ACOXL: variants seen among roughly 807,000 people sequenced by gnomAD.
ACOXL encodes acyl-CoA oxidase like.
A neutral mutation model predicts 71.9 loss-of-function variants in ACOXL; 70 were observed. The ratio of observed to expected loss-of-function variants is 0.97; its 90% CI spans 0.80 to 1.19. The LOEUF is 1.19. Among genes scored for constraint, ACOXL ranks in the 50% most tolerant of loss-of-function variants. The probability of loss-of-function intolerance (pLI) is 0.00; values close to 1 mark genes in which losing one functional copy is unlikely to be tolerated. For synonymous variants in ACOXL, 253 were observed against 281.6 expected (o/e 0.90, Z 1.02); for missense variants, 703 against 736.3 (o/e 0.95, Z 0.52).
chr2:111,037,794 A>G (rs2065590214), intron 15 of ACOXL, among the ~76,000 whole-genome samples: 1 of 152,160 alleles, frequency 6.6e-6, no homozygotes, highest in Admixed American at 6.5e-5. Flanking sequence ...CCAGACAGAC[A>G]GTGGAGCTCC....
chr2:111,085,592 A>C (rs1038849137), intron 16 of ACOXL, among the ~76,000 whole-genome samples: 7 of 152,184 alleles, frequency 4.6e-5, no homozygotes, highest in African/African-American at 1.7e-4. Flanking sequence ...TTAAGAGTGA[A>C]ATTTATATCA....
chr2:111,039,834 G>T (rs2065691563), intron 15 of ACOXL, among the ~76,000 whole-genome samples: 1 of 152,180 alleles, frequency 6.6e-6, no homozygotes, highest in Non-Finnish European at 1.5e-5. Flanking sequence ...TTCTTTCTGT[G>T]AGCTAGAAGA....
intron 12 of ACOXL, among the ~76,000 whole-genome samples, chr2:110,957,070 T>A (rs988845056): frequency 2.0e-5 from 3 of 152,160 alleles, no homozygotes; most frequent in Non-Finnish European, 4.4e-5. Context: ...TATCCCATGT[T>A]TCTTTCTCTC....
Position 111,045,506 on chromosome 2 carries a change from G to A in ACOXL, c.1370-3712G>A, listed in dbSNP as rs115721238. On this transcript the variant is annotated intron_variant, in intron 15 of 17. Transcript: ENST00000439055. ...TGCTTCGTGCCGCCACGTGAAGGAC[G>A]TGTTTGCTTCCCCTTCTGCCATGAT... is the stretch of plus-strand genomic sequence containing the variant. Among the ~76,000 whole-genome samples the A allele has an allele frequency of 7.5e-3, 1,146 of 152,306 alleles. 10 individuals carry two copies. Among genetic ancestry groups the A allele is most frequent in the African/African-American group, 0.027 (1,105 of 41,554 alleles).
chr2:110,903,268 A>G (rs1193371465), intron 10 of ACOXL, among the ~76,000 whole-genome samples: 1 of 152,268 alleles, frequency 6.6e-6, no homozygotes, highest in African/African-American at 2.4e-5. Flanking sequence ...CTGCGCCTGC[A>G]GTAGCTGCCT....
intron 12 of ACOXL, among the ~76,000 whole-genome samples, chr2:110,956,018 T>A (rs2880190): frequency 0.59 from 86,622 of 147,874 alleles, 25,489 homozygotes; most frequent in East Asian, 0.75. Context: ...AGCTCACTGC[T>A]ATCTCTGCCT....
At chr2:110,746,632 G>A (rs1002759697) in intron 1 of ACOXL, among the ~76,000 whole-genome samples, 2 of 152,056 alleles carry the variant, frequency 1.3e-5, no homozygotes, top group Admixed American at 6.6e-5. Flanking sequence ...CACCGTAGAC[G>A]CCTGCAGAAT....
chr2:110,961,722 G>T (rs887246986), intron 12 of ACOXL, among the ~76,000 whole-genome samples: 1 of 152,202 alleles, frequency 6.6e-6, no homozygotes, highest in South Asian at 2.1e-4. Context: ...TAAGGAAAGA[G>T]GTTTAATGGA....
chr2:111,113,642 A>G (rs1179800194), intron 17 of ACOXL, among the ~76,000 whole-genome samples: 1 of 152,214 alleles, frequency 6.6e-6, no homozygotes, highest in Non-Finnish European at 1.5e-5. Context: ...ATTGGGGACT[A>G]GGGTTGCACG....
chr2:110,934,234 G>T (rs1194408376), intron 12 of ACOXL, among the ~76,000 whole-genome samples: 1 of 152,208 alleles, frequency 6.6e-6, no homozygotes, highest in East Asian at 1.9e-4. Flanking sequence ...ACCCATGCGG[G>T]GGTCCAGAGC....
intron 17 of ACOXL, among the ~76,000 whole-genome samples, chr2:111,105,963 T>C (rs1198014583): frequency 6.6e-6 from 1 of 152,232 alleles, no homozygotes; most frequent in East Asian, 1.9e-4. Flanking sequence ...CTATTTATGA[T>C]GCTATTTATG....
chr2:110,734,471 G>A (rs1269112664), intron 1 of ACOXL, among the ~76,000 whole-genome samples: 1 of 151,922 alleles, frequency 6.6e-6, no homozygotes, highest in Non-Finnish European at 1.5e-5. Flanking sequence ...GGGTTTCACC[G>A]TGTTGGCCAG....
At chr2:110,968,068 TA>T in intron 12 of ACOXL, 1 of 1,183,604 alleles carries the variant, frequency 8.4e-7, no homozygotes, top group East Asian at 2.3e-5. Flanking sequence ...CTGCGCAGCA[TA>T]CGCACACGAA....
At chr2:110,926,257 T>C (rs1480573649) in intron 11 of ACOXL, among the ~76,000 whole-genome samples, 2 of 152,244 alleles carry the variant, frequency 1.3e-5, no homozygotes, top group Non-Finnish European at 2.9e-5. Flanking sequence ...AGGGCTCTGA[T>C]AGAATTGCTC....
intron 12 of ACOXL, among the ~76,000 whole-genome samples, chr2:110,951,570 T>G (rs35300924): frequency 0.12 from 18,336 of 152,234 alleles, 1,261 homozygotes; most frequent in Middle Eastern, 0.17. Context: ...TTAAGGATAT[T>G]ATTCGGTGTG....
intron 16 of ACOXL, among the ~76,000 whole-genome samples, chr2:111,051,753 C>A (rs2880119): frequency 0.89 from 134,944 of 152,268 alleles, 60,052 homozygotes; most frequent in African/African-American, 0.97. Context: ...TACAGACATA[C>A]GCCACTGCGC....
chr2:110,975,632 G>A (rs1298163842), intron 12 of ACOXL, among the ~76,000 whole-genome samples: 2 of 151,982 alleles, frequency 1.3e-5, no homozygotes, highest in Admixed American at 6.6e-5. Flanking sequence ...AAAAGAAGGA[G>A]CAAGATGCAC....
rs2066696186 is a variant in ACOXL at position 111,059,391 on chromosome 2, C to CATTCAAT, written c.1440+10106_1440+10112dup. Among the ~76,000 whole-genome samples the CATTCAAT allele has an allele frequency of 2.6e-5, 4 of 152,294 alleles. No homozygotes were observed. The South Asian group carries it at 8.3e-4, about 32-fold the overall frequency. On this transcript the variant is annotated intron_variant, in intron 16 of 17. Coordinates refer to ENST00000439055, the MANE Select transcript of ACOXL (RefSeq NM_001142807.4). ...CATTTTGAAAGTACACAAAACATAA[C>CATTCAAT]ATTCAATATCAGGATTAAGATTTAT...
intron 11 of ACOXL, among the ~76,000 whole-genome samples, chr2:110,928,397 A>G (rs1369629153): frequency 1.3e-5 from 2 of 152,248 alleles, no homozygotes; most frequent in Non-Finnish European, 2.9e-5. Flanking sequence ...GAATAAATGA[A>G]TGAGTGTAAT....
Sources: allele counts gnomAD v4.1 joint callset (sites outside exome capture counted in the v4.1 genomes callset), GRCh38; gene constraint gnomAD v4.1.1; transcripts MANE v1.5; gene names NCBI Gene and HGNC (gene_info 2026-07-23, HGNC 2026-07-21).